Variants in CNBD1 observed in about 807,000 individuals in gnomAD.
The protein encoded by CNBD1 is cyclic nucleotide-binding domain-containing protein 1.
Under a neutral mutation model 54.4 loss-of-function variants are expected in CNBD1, and 71 were observed. The observed-to-expected ratio is 1.30, with a 90% confidence interval of 1.08 to 1.59. The LOEUF is 1.59. Ranked by LOEUF, CNBD1 falls within the 40% of genes most tolerant of loss-of-function variation. The probability of loss-of-function intolerance (pLI) is 0.00; values close to 1 mark genes in which losing one functional copy is unlikely to be tolerated. For missense variants in CNBD1, 659 were observed against 518.0 expected, an observed-to-expected ratio of 1.27 and a Z score of -2.64; for synonymous variants, 182 against 170.7, an observed-to-expected ratio of 1.07 and a Z score of -0.51.
chr8:87,292,699 C>A (rs1350515198), intron 8 of CNBD1, among the ~76,000 whole-genome samples: 1 of 152,158 alleles, frequency 6.6e-6, no homozygotes, highest in Non-Finnish European at 1.5e-5. Flanking sequence ...GTTCTAGAAT[C>A]CTTTGTAAAA....
chr8:87,416,560 C>G (rs1419001810), intron 2 of CNBD1, among the ~76,000 whole-genome samples: 1 of 151,960 alleles, frequency 6.6e-6, no homozygotes, highest in Non-Finnish European at 1.5e-5. Context: ...GTTGGAGACC[C>G]TTAAATGCCT....
chr8:86,925,569 A>G (rs1473840852), intron 3 of CNBD1, among the ~76,000 whole-genome samples: 1 of 149,522 alleles, frequency 6.7e-6, no homozygotes, highest in Non-Finnish European at 1.5e-5. Context: ...AAAGGCAGTA[A>G]AGAAAGATTT....
At position 87,326,974 on chromosome 8, in the gene CNBD1, G is replaced by A. The variant is rs1809682814; in HGVS notation, c.1043-24711G>A. 3.6e-5 allele frequency among the ~76,000 whole-genome samples: 5 copies of A among 138,378 alleles called. No homozygotes were observed. In the Admixed American group the frequency reaches 3.7e-4, roughly 10 times the overall value. 90.8% of individuals were successfully genotyped at this position (138,378 alleles called of 152,430 possible). On this transcript the variant is annotated intron_variant, in intron 8 of 10. Transcript: ENST00000518476. ...TCTTTGATGATGGTGATGTACAGATGGGTTTTTGGTGTGGATGTCCTTTCT... is the reference window on the plus strand; with the variant it reads ...TCTTTGATGATGGTGATGTACAGATAGGTTTTTGGTGTGGATGTCCTTTCT...
At chr8:87,303,904 C>T (rs1489197217) in intron 8 of CNBD1, among the ~76,000 whole-genome samples, 1 of 152,102 alleles carries the variant, frequency 6.6e-6, no homozygotes, top group African/African-American at 2.4e-5. Flanking sequence ...CATCACTGGC[C>T]ATCAGAGAAA....
At chr8:87,193,810 T>A (rs1268228641) in intron 4 of CNBD1, among the ~76,000 whole-genome samples, 1 of 152,130 alleles carries the variant, frequency 6.6e-6, no homozygotes, top group African/African-American at 2.4e-5. Flanking sequence ...AACAAATAAA[T>A]AAATAAATAA....
intron 4 of CNBD1, among the ~76,000 whole-genome samples, chr8:87,116,479 G>A (rs1179428387): frequency 1.3e-5 from 2 of 152,106 alleles, no homozygotes; most frequent in South Asian, 2.1e-4. Flanking sequence ...CTCCCATAGT[G>A]TTGGGATTAC....
At position 86,917,898 on chromosome 8, in the gene CNBD1, A is replaced by G. The variant is rs149487320; in HGVS notation, c.272+12704A>G. Among the ~76,000 whole-genome samples the G allele has an allele frequency of 2.3e-3, 351 of 152,338 alleles. 2 individuals are homozygous for G. Among genetic ancestry groups the G allele is most frequent in the African/African-American group, 8.2e-3 (339 of 41,574 alleles). On this transcript the variant is annotated intron_variant, in intron 3 of 10. Transcript: ENST00000518476. The stretch of plus-strand genomic sequence containing the variant: ...CAGAAACAAAGTTATTCTAAATTAT[A>G]CTTTTTCAAATTAGTGAGACTGAGA...
intron 2 of CNBD1, among the ~76,000 whole-genome samples, chr8:87,410,612 T>G (rs551138024): frequency 1.3e-5 from 2 of 152,248 alleles, no homozygotes; most frequent in Admixed American, 1.3e-4. Context: ...TTACATAAAC[T>G]TAGTGAAGCA....
intron 4 of CNBD1, among the ~76,000 whole-genome samples, chr8:87,044,978 C>G (rs1343833604): frequency 1.3e-5 from 2 of 152,120 alleles, no homozygotes; most frequent in Non-Finnish European, 2.9e-5. Context: ...CTGATTTTTC[C>G]TTTTCTTCTC....
chr8:87,102,179 G>T (rs897854475), intron 4 of CNBD1, among the ~76,000 whole-genome samples: 1 of 152,050 alleles, frequency 6.6e-6, no homozygotes, highest in Non-Finnish European at 1.5e-5. Context: ...GAACCACTTC[G>T]TCCGGCCCAG....
At chr8:87,015,131 A>G (rs1464947923) in intron 4 of CNBD1, among the ~76,000 whole-genome samples, 1 of 152,224 alleles carries the variant, frequency 6.6e-6, no homozygotes, top group Non-Finnish European at 1.5e-5. Flanking sequence ...CATGAATACA[A>G]AACTAAATAA....
intron 6 of CNBD1, among the ~76,000 whole-genome samples, chr8:87,251,254 T>C (rs900164865): frequency 6.6e-6 from 1 of 152,260 alleles, no homozygotes; most frequent in Non-Finnish European, 1.5e-5. Context: ...GTTCTGAATG[T>C]TGGACATGAC....
In CNBD1 at chr8:87,208,810, G is replaced by A. The variant is rs1030622648; in HGVS notation, c.577+2672G>A. On this transcript the variant is annotated intron_variant, in intron 5 of 10. Transcript: ENST00000518476. ...TATTTCTTTCACTTTATTTCATTCT[G>A]TAACCCACTTTTATGAGATTGTATC... 6.6e-5 allele frequency among the ~76,000 whole-genome samples: 10 copies of A among 151,692 alleles called. No homozygotes were observed. In the South Asian group the frequency reaches 1.7e-3, roughly 25 times the overall value.
chr8:87,050,610 G>A (rs1810292004), intron 4 of CNBD1, among the ~76,000 whole-genome samples: 1 of 152,208 alleles, frequency 6.6e-6, no homozygotes, highest in African/African-American at 2.4e-5. Context: ...GGTATTGAGA[G>A]TCAGGGTGCA....
chr8:87,285,118 GT>G lies in CNBD1; in HGVS notation c.909+307del, dbSNP rs1800778290. Among the ~76,000 whole-genome samples the G allele has an allele frequency of 2.0e-5, 3 of 152,136 alleles. No homozygotes were observed. The South Asian group carries it at 6.2e-4, about 32-fold the overall frequency. On this transcript the variant is annotated intron_variant, in intron 7 of 10. Transcript: ENST00000518476. ...TCACTCATTCATTCAACAAATATGTGTTTTGCATGTCCGCAGCATGTCATAT... is the reference window on the plus strand; with the variant it reads ...TCACTCATTCATTCAACAAATATGTGTTTGCATGTCCGCAGCATGTCATAT...
intron 8 of CNBD1, among the ~76,000 whole-genome samples, chr8:87,324,209 A>T (rs1231364459): frequency 2.3e-5 from 3 of 129,124 alleles, no homozygotes; most frequent in African/African-American, 8.7e-5. Context: ...GTTTGCCAGT[A>T]TTTTATTGAG....
chr8:86,953,058 T>A (rs1306080654), intron 4 of CNBD1, among the ~76,000 whole-genome samples: 3 of 152,250 alleles, frequency 2.0e-5, no homozygotes, highest in African/African-American at 7.2e-5. Context: ...TTGTGTTGCA[T>A]AACAATAGTT....
chr8:87,128,882 G>T (rs546058066), intron 4 of CNBD1, among the ~76,000 whole-genome samples: 48 of 146,402 alleles, frequency 3.3e-4, no homozygotes, highest in Non-Finnish European at 5.4e-4. Context: ...AGGAAATCCA[G>T]ACCATCCTGG....
At chr8:87,399,839 A>G (rs574889477) in intron 2 of CNBD1, among the ~76,000 whole-genome samples, 1 of 152,098 alleles carries the variant, frequency 6.6e-6, no homozygotes, top group African/African-American at 2.4e-5. Context: ...TAACTGGTAC[A>G]GCTGAACTAG....
Sources: allele counts gnomAD v4.1 joint callset (sites outside exome capture counted in the v4.1 genomes callset), GRCh38; gene constraint gnomAD v4.1.1; transcripts MANE v1.5; gene names NCBI Gene and HGNC (gene_info 2026-07-23, HGNC 2026-07-21).